PRR5L: variants seen among roughly 807,000 people sequenced by gnomAD.
PRR5L encodes proline rich 5 like.
PRR5L carries 21 observed loss-of-function variants against 36.4 expected under a neutral mutation model. The ratio of observed to expected loss-of-function variants is 0.58; its 90% CI spans 0.41 to 0.83. The LOEUF (loss-of-function observed/expected upper bound fraction) is 0.83. PRR5L is among the 40% of genes least tolerant of loss of function. The probability of loss-of-function intolerance (pLI) is 0.00; values close to 1 mark genes in which losing one functional copy is unlikely to be tolerated. For synonymous variants in PRR5L, 188 were observed against 197.0 expected (o/e 0.95, Z 0.38); for missense variants, 381 against 473.3 (o/e 0.80, Z 1.81).
intron 1 of PRR5L, among the ~76,000 whole-genome samples, chr11:36,316,858 A>G (rs1458827091): frequency 6.6e-6 from 1 of 152,220 alleles, no homozygotes; most frequent in Non-Finnish European, 1.5e-5. Context: ...AAGGGTTACT[A>G]TCAATTTTGT....
intron 3 of PRR5L, among the ~76,000 whole-genome samples, chr11:36,413,802 G>A (rs1003972472): frequency 6.0e-5 from 9 of 150,034 alleles, no homozygotes; most frequent in African/African-American, 2.2e-4. Context: ...ATGCTGGTGT[G>A]CTGCACCCAT....
intron 1 of PRR5L, chr11:36,362,216 G>A (rs1321085493): frequency 6.6e-6 from 1 of 152,110 alleles, no homozygotes. Context: ...TGGGAGGGCA[G>A]GGCAGGGTGG....
intron 6 of PRR5L, among the ~76,000 whole-genome samples, chr11:36,438,354 A>G (rs1185941350): frequency 6.6e-6 from 1 of 152,240 alleles, no homozygotes; most frequent in African/African-American, 2.4e-5. Context: ...GCAGAGGAAC[A>G]CAGCCATTAA....
intron 3 of PRR5L, among the ~76,000 whole-genome samples, chr11:36,410,338 T>C (rs1255076218): frequency 6.6e-6 from 1 of 152,194 alleles, no homozygotes; most frequent in Non-Finnish European, 1.5e-5. Flanking sequence ...AGCTGAGGCC[T>C]GGCTGCTGGC....
intron 8 of PRR5L, among the ~76,000 whole-genome samples, chr11:36,457,763 G>A (rs1366076016): frequency 6.6e-6 from 1 of 152,190 alleles, no homozygotes; most frequent in African/African-American, 2.4e-5. Flanking sequence ...ACATCTGCAT[G>A]AAGCAAATGC....
chr11:36,416,179 A>G (rs538411075), intron 3 of PRR5L, among the ~76,000 whole-genome samples: 1 of 149,562 alleles, frequency 6.7e-6, no homozygotes, highest in South Asian at 2.2e-4. Flanking sequence ...GCAATGAAAA[A>G]CTCTGCATAT....
intron 6 of PRR5L, among the ~76,000 whole-genome samples, chr11:36,444,528 G>A (rs776876922): frequency 2.9e-4 from 44 of 152,130 alleles, no homozygotes; most frequent in Non-Finnish European, 4.3e-4. Flanking sequence ...CAAAATAATC[G>A]TCTATTTGGA....
At position 36,401,046 on chromosome 11, in the gene PRR5L, C is replaced by A; in HGVS notation, c.-76C>A. The A allele has an allele frequency of 6.4e-7, 1 of 1,563,906 alleles. No homozygotes were observed. Among genetic ancestry groups the A allele is most frequent in the Non-Finnish European group, 8.7e-7 (1 of 1,153,504 alleles). On this transcript the variant is annotated 5_prime_UTR_variant, in exon 2 of 9. Coordinates refer to ENST00000530639, the MANE Select transcript of PRR5L (RefSeq NM_001160167.2). ...AGAAAGCCTGAGGGCCTGAAGGCAG[C>A]CCCTGGAGAAGCCCTTTCCGAGGGC...
intron 3 of PRR5L, among the ~76,000 whole-genome samples, chr11:36,404,545 C>T (rs1489124125): frequency 1.3e-5 from 2 of 152,088 alleles, no homozygotes; most frequent in Non-Finnish European, 1.5e-5. Context: ...GGATTACAGG[C>T]GTGAGCCACT....
At chr11:36,433,526 G>C (rs548266869) in intron 5 of PRR5L, among the ~76,000 whole-genome samples, 1 of 152,166 alleles carries the variant, frequency 6.6e-6, no homozygotes, top group Non-Finnish European at 1.5e-5. Context: ...TAGGTGACTT[G>C]CTTTGACCAA....
chr11:36,300,063 T>G (rs757685378), intron 1 of PRR5L, among the ~76,000 whole-genome samples: 3 of 152,060 alleles, frequency 2.0e-5, no homozygotes, highest in Non-Finnish European at 2.9e-5. Flanking sequence ...TATAATTTAA[T>G]CAGCAGAATA....
chr11:36,416,556 A>G (rs917082961), intron 3 of PRR5L, among the ~76,000 whole-genome samples: 9 of 152,180 alleles, frequency 5.9e-5, no homozygotes, highest in African/African-American at 2.2e-4. Context: ...CTACTTCTTT[A>G]TTCCTAACCA....
chr11:36,372,043 G>C (rs542592182), intron 1 of PRR5L, among the ~76,000 whole-genome samples: 1 of 152,130 alleles, frequency 6.6e-6, no homozygotes, highest in Non-Finnish European at 1.5e-5. Context: ...GGGTGACAGA[G>C]AGAGATTCCA....
intron 1 of PRR5L, among the ~76,000 whole-genome samples, chr11:36,398,046 C>T (rs568896308): frequency 6.6e-6 from 1 of 152,208 alleles, no homozygotes; most frequent in South Asian, 2.1e-4. Flanking sequence ...CCACCCACCT[C>T]GGCCTCCCAA....
At chr11:36,314,202 G>A (rs370947084) in intron 1 of PRR5L, among the ~76,000 whole-genome samples, 9 of 152,236 alleles carry the variant, frequency 5.9e-5, no homozygotes, top group South Asian at 2.1e-4. Flanking sequence ...CAAATGAATC[G>A]TGTAGTTGAC....
intron 6 of PRR5L, among the ~76,000 whole-genome samples, chr11:36,438,144 GC>G (rs147087137): frequency 0.058 from 8,783 of 152,212 alleles, 313 homozygotes; most frequent in Non-Finnish European, 0.072. Context: ...TGATACCCTT[GC>G]CCCCTTGTCT....
intron 1 of PRR5L, among the ~76,000 whole-genome samples, chr11:36,325,733 G>C (rs751786658): frequency 2.6e-5 from 4 of 152,162 alleles, no homozygotes; most frequent in Non-Finnish European, 5.9e-5. Flanking sequence ...GTCGGCCTGG[G>C]AAATCCAGCT....
chr11:36,401,107 C>T lies in PRR5L; in HGVS notation c.-15C>T. 6.2e-7 allele frequency: 1 copy of T among 1,613,624 alleles called. No individual in the cohort carries two copies. The highest frequency in any genetic ancestry group is 8.5e-7 in the Non-Finnish European group (1 of 1,179,676). ...TTCTGGTCCTAGAGGTGAAGCTGAACTGTCACCAGGACTTATGACCCGCGG... is the reference window on the plus strand; with the variant it reads ...TTCTGGTCCTAGAGGTGAAGCTGAATTGTCACCAGGACTTATGACCCGCGG... On this transcript the variant is annotated 5_prime_UTR_variant, in exon 2 of 9. Transcript: ENST00000530639.
chr11:36,362,634 G>C (rs961114843), intron 1 of PRR5L, among the ~76,000 whole-genome samples: 8 of 152,128 alleles, frequency 5.3e-5, no homozygotes, highest in East Asian at 1.9e-4. Context: ...AATCAATTAT[G>C]TCTGTCCTCC....
Sources: allele counts gnomAD v4.1 joint callset (sites outside exome capture counted in the v4.1 genomes callset), GRCh38; gene constraint gnomAD v4.1.1; transcripts MANE v1.5; gene names NCBI Gene and HGNC (gene_info 2026-07-23, HGNC 2026-07-21).